The following UCK2 variants were observed in gnomAD, a reference collection of about 807,000 sequenced individuals.
The protein encoded by UCK2 is uridine-cytidine kinase 2.
A neutral mutation model predicts 30.8 loss-of-function variants in UCK2; 6 were observed. The ratio of observed to expected loss-of-function variants is 0.19; its 90% CI spans 0.11 to 0.38. The LOEUF (loss-of-function observed/expected upper bound fraction) is 0.38. Among genes scored for constraint, UCK2 ranks in the 10% least tolerant of loss-of-function variants. UCK2 has a pLI of 1.00. For missense variants in UCK2, 210 were observed against 339.8 expected (o/e 0.62, Z 3.00); for synonymous variants, 125 against 133.6 (o/e 0.94, Z 0.45).
intron 1 of UCK2, among the ~76,000 whole-genome samples, chr1:165,840,281 A>G (rs906343464): frequency 4.6e-5 from 7 of 152,276 alleles, no homozygotes; most frequent in African/African-American, 1.7e-4. Flanking sequence ...AAATGAAAAT[A>G]TATTTATGGT....
intron 1 of UCK2, among the ~76,000 whole-genome samples, chr1:165,844,995 G>A (rs1654414794): frequency 6.6e-6 from 1 of 152,122 alleles, no homozygotes; most frequent in Non-Finnish European, 1.5e-5. Flanking sequence ...AGCTCAGTGA[G>A]CCAAGCTAGC....
At position 165,903,201 on chromosome 1, in the gene UCK2, G is replaced by A; in HGVS notation, c.519G>A (p.Glu173=). The A allele has an allele frequency of 6.2e-7, 1 of 1,614,096 alleles. No homozygotes were observed. Among genetic ancestry groups the A allele is most frequent in the Non-Finnish European group, 8.5e-7 (1 of 1,179,978 alleles). Residue 173 remains glutamate, a synonymous_variant, in exon 5 of 7, where the codon GAG becomes GAA. Transcript: ENST00000367879. ...LSRRVLRDIS[E]RGRDLEQILS... ...TTACAGTATTAAGGGACATCAGCGA[G>A]AGAGGCAGGGATCTTGAGCAGATTT...
intron 1 of UCK2, among the ~76,000 whole-genome samples, chr1:165,844,849 G>C (rs547101318): frequency 5.0e-4 from 76 of 152,226 alleles, no homozygotes; most frequent in African/African-American, 1.8e-3. Context: ...GAGAGGGTGT[G>C]GAAGCTTTGC....
At chr1:165,834,340 TGTA>T (rs1654129572) in intron 1 of UCK2, among the ~76,000 whole-genome samples, 1 of 152,222 alleles carries the variant, frequency 6.6e-6, no homozygotes, top group African/African-American at 2.4e-5. Context: ...ATTTTCATCC[TGTA>T]GTCCCAGCTA....
intron 1 of UCK2, among the ~76,000 whole-genome samples, chr1:165,833,564 C>T (rs1255113941): frequency 9.2e-5 from 14 of 152,112 alleles, no homozygotes; most frequent in Admixed American, 9.2e-4. Flanking sequence ...TTCTGATGCT[C>T]ACTCTGTTTG....
At chr1:165,841,872 C>G (rs536715013) in intron 1 of UCK2, among the ~76,000 whole-genome samples, 2 of 152,312 alleles carry the variant, frequency 1.3e-5, no homozygotes, top group East Asian at 1.9e-4. Flanking sequence ...TGTCAGTTAT[C>G]CCTCTTGTGT....
intron 1 of UCK2, among the ~76,000 whole-genome samples, chr1:165,885,939 G>A (rs574696873): frequency 3.3e-5 from 5 of 152,190 alleles, no homozygotes; most frequent in African/African-American, 7.2e-5. Flanking sequence ...CATCGTAACC[G>A]TCTTTAAGTG....
rs1369417906 is a variant in UCK2 at position 165,910,184 on chromosome 1, T to G, written c.*2361T>G. ...CACTGTTTCTGGAACAAGGAAGGGA[T>G]GGAAGGCTCTACCCCTCCGTGGCAG... On this transcript the variant is annotated 3_prime_UTR_variant, in exon 7 of 7. Coordinates refer to ENST00000367879, the MANE Select transcript of UCK2 (RefSeq NM_012474.5). 6.6e-6 allele frequency: 1 copy of G among 152,258 alleles called. No homozygotes were observed. Among genetic ancestry groups the G allele is most frequent in the East Asian group, 1.9e-4 (1 of 5,192 alleles). 9.4% of individuals were successfully genotyped at this position (152,258 alleles called of 1,614,324 possible).
At chr1:165,868,631 A>C (rs1655111844) in intron 1 of UCK2, among the ~76,000 whole-genome samples, 1 of 152,172 alleles carries the variant, frequency 6.6e-6, no homozygotes, top group Non-Finnish European at 1.5e-5. Context: ...TGGCTTCCTC[A>C]TCTTTCTCAG....
intron 1 of UCK2, among the ~76,000 whole-genome samples, chr1:165,857,961 T>A (rs1285098777): frequency 6.6e-6 from 1 of 152,158 alleles, no homozygotes; most frequent in African/African-American, 2.4e-5. Context: ...ATTGAGAGAA[T>A]TGGTACAGAA....
At chr1:165,871,344 A>G (rs373023091) in intron 1 of UCK2, among the ~76,000 whole-genome samples, 3 of 152,312 alleles carry the variant, frequency 2.0e-5, no homozygotes, top group African/African-American at 7.2e-5. Flanking sequence ...CTGCTGCTTC[A>G]TGCTTTTCCA....
chr1:165,843,908 A>C (rs572950660), intron 1 of UCK2, among the ~76,000 whole-genome samples: 6 of 152,090 alleles, frequency 3.9e-5, no homozygotes, highest in Non-Finnish European at 7.4e-5. Context: ...ATTTGAAATA[A>C]TTTTGCACGT....
intron 1 of UCK2, chr1:165,885,278 G>A (rs891590147): frequency 2.0e-5 from 8 of 397,182 alleles, no homozygotes; most frequent in East Asian, 7.1e-5. Flanking sequence ...ATCATTTCAC[G>A]TGATCAATTT....
At chr1:165,860,804 G>C (rs1228612858) in intron 1 of UCK2, among the ~76,000 whole-genome samples, 1 of 152,012 alleles carries the variant, frequency 6.6e-6, no homozygotes, top group African/African-American at 2.4e-5. Context: ...TGACTCCCTT[G>C]TTTCTATTAT....
chr1:165,889,457 T>G lies in UCK2; in HGVS notation c.100-747T>G, dbSNP rs548069387. Among the ~76,000 whole-genome samples the G allele has an allele frequency of 5.3e-4, 81 of 152,326 alleles. 1 individual carries two copies. The highest frequency in any genetic ancestry group is 1.0e-3 in the South Asian group (5 of 4,834). ...TCATTCTACTTTCTGCTGCCTTTTT[T>G]GTCTGTCTATACCAGGGCACAAGCA... On this transcript the variant is annotated intron_variant, in intron 1 of 6. Coordinates refer to ENST00000367879, the MANE Select transcript of UCK2 (RefSeq NM_012474.5).
chr1:165,834,158 G>A (rs966342646), intron 1 of UCK2, among the ~76,000 whole-genome samples: 20 of 152,056 alleles, frequency 1.3e-4, no homozygotes. Context: ...AAGACTGAAG[G>A]TTTTGTTCTA....
intron 4 of UCK2, among the ~76,000 whole-genome samples, chr1:165,902,437 GA>G (rs1239186061): frequency 0.038 from 5,095 of 135,860 alleles, 292 homozygotes; most frequent in African/African-American, 0.13. Flanking sequence ...ATTTTTTAAA[GA>G]AAAAAAAAAA....
chr1:165,891,541 T>C (rs1655768343), intron 3 of UCK2: 3 of 504,726 alleles, frequency 5.9e-6, no homozygotes, highest in Non-Finnish European at 1.1e-5. Context: ...GGAACAGTCC[T>C]GTTGTCACGA....
Position 165,905,319 on chromosome 1 carries a change from TA to T in UCK2, c.598-596del, listed in dbSNP as rs570704101. On this transcript the variant is annotated intron_variant, in intron 5 of 6. Coordinates refer to ENST00000367879, the MANE Select transcript of UCK2 (RefSeq NM_012474.5). ...GCAACATGGCGATACCCCCTCTCTA[TA>T]AAAAATAACAAAAATTAGCTGGGTG... Among the ~76,000 whole-genome samples, 4 of 151,954 alleles carry T rather than the reference TA, an allele frequency of 2.6e-5. No homozygotes were observed. In the East Asian group the frequency reaches 7.8e-4, roughly 29 times the overall value.
Sources: allele counts gnomAD v4.1 joint callset (sites outside exome capture counted in the v4.1 genomes callset), GRCh38; gene constraint gnomAD v4.1.1; transcripts MANE v1.5; gene names NCBI Gene and HGNC (gene_info 2026-07-23, HGNC 2026-07-21).